The following CDK14 variants were observed in gnomAD, a reference collection of about 807,000 sequenced individuals.
CDK14 encodes cyclin dependent kinase 14.
CDK14 carries 34 observed loss-of-function variants against 60.7 expected under a neutral mutation model. That is an observed-to-expected ratio of 0.56 (90% CI 0.43 to 0.75). CDK14 has a LOEUF of 0.75. Ranked by LOEUF, CDK14 falls within the 30% of genes least tolerant of loss-of-function variation. The pLI, the probability that CDK14 is intolerant of heterozygous loss-of-function variation, is 0.00. For synonymous variants in CDK14, 197 were observed against 203.7 expected, an observed-to-expected ratio of 0.97 and a Z score of 0.28; for missense variants, 482 against 564.1, an observed-to-expected ratio of 0.85 and a Z score of 1.47.
At chr7:91,055,249 A>T (rs1797515005) in intron 11 of CDK14, among the ~76,000 whole-genome samples, 1 of 152,210 alleles carries the variant, frequency 6.6e-6, no homozygotes, top group African/African-American at 2.4e-5. Context: ...AAAAAGAAAC[A>T]ACCAAAAACC....
chr7:91,070,384 T>C (rs1323859745), intron 11 of CDK14, among the ~76,000 whole-genome samples: 2 of 152,228 alleles, frequency 1.3e-5, no homozygotes, highest in African/African-American at 4.8e-5. Flanking sequence ...TGTTCTGTTT[T>C]GTTCATGCCT....
At chr7:90,965,958 C>T (rs986304399) in intron 9 of CDK14, among the ~76,000 whole-genome samples, 2 of 152,126 alleles carry the variant, frequency 1.3e-5, no homozygotes, top group African/African-American at 4.8e-5. Flanking sequence ...TCCCTCTATC[C>T]CTGGTATTCC....
intron 11 of CDK14, among the ~76,000 whole-genome samples, chr7:91,076,242 CAAAAAAAAAAAAAAA>C (rs564729987): frequency 1.4e-3 from 40 of 28,806 alleles, no homozygotes; most frequent in South Asian, 3.3e-3. Context: ...CTACAGTAAC[CAAAAAAAAAAAAAAA>C]AAAAAAAAAA....
intron 14 of CDK14, among the ~76,000 whole-genome samples, chr7:91,173,897 C>T (rs1801623228): frequency 6.6e-6 from 1 of 152,250 alleles, no homozygotes; most frequent in East Asian, 1.9e-4. Flanking sequence ...CCCGCCATTG[C>T]ACAGGCTTGA....
At chr7:90,971,653 T>TAAAA (rs35135401) in intron 9 of CDK14, among the ~76,000 whole-genome samples, 41 of 119,534 alleles carry the variant, frequency 3.4e-4, no homozygotes, top group African/African-American at 1.2e-3. Context: ...ATATACATAG[T>TAAAA]AAAAAAAAAA....
intron 2 of CDK14, among the ~76,000 whole-genome samples, chr7:90,629,603 G>A (rs17865960): frequency 0.014 from 2,092 of 152,286 alleles, 19 homozygotes; most frequent in Middle Eastern, 0.027. Flanking sequence ...GGGTTAAAGG[G>A]TGCCAGACAT....
intron 14 of CDK14, among the ~76,000 whole-genome samples, chr7:91,171,473 T>G (rs1436600192): frequency 6.6e-6 from 1 of 152,174 alleles, no homozygotes; most frequent in East Asian, 1.9e-4. Context: ...TAGAATAATG[T>G]TTTTTAATAT....
At chr7:90,618,962 A>G (rs1247746461) in intron 2 of CDK14, among the ~76,000 whole-genome samples, 2 of 152,324 alleles carry the variant, frequency 1.3e-5, no homozygotes, top group Middle Eastern at 3.4e-3. Context: ...AGAGAGCAGA[A>G]TCAGTTTTCC....
chr7:91,188,480 C>T (rs1246913706), intron 14 of CDK14, among the ~76,000 whole-genome samples: 4 of 152,058 alleles, frequency 2.6e-5, no homozygotes, highest in African/African-American at 9.7e-5. Flanking sequence ...AACTTTTTCC[C>T]CTGGATTCTG....
At chr7:90,683,370 C>G (rs942111661) in intron 2 of CDK14, among the ~76,000 whole-genome samples, 1 of 152,180 alleles carries the variant, frequency 6.6e-6, no homozygotes, top group African/African-American at 2.4e-5. Context: ...GCTCCTATGT[C>G]TTAGTGATAT....
At chr7:90,718,732 TACAC>T (rs1015183432) in intron 2 of CDK14, among the ~76,000 whole-genome samples, 4 of 152,114 alleles carry the variant, frequency 2.6e-5, no homozygotes, top group Non-Finnish European at 4.4e-5. Flanking sequence ...CACACATACA[TACAC>T]ACGCATACTA....
intron 1 of CDK14, among the ~76,000 whole-genome samples, chr7:90,599,321 G>C (rs1354642896): frequency 6.6e-6 from 1 of 152,192 alleles, no homozygotes; most frequent in Non-Finnish European, 1.5e-5. Context: ...TGATCTTATA[G>C]ATAGAAAGCA....
intron 10 of CDK14, among the ~76,000 whole-genome samples, chr7:91,007,200 C>T (rs1236003227): frequency 2.6e-5 from 4 of 152,222 alleles, no homozygotes; most frequent in Non-Finnish European, 4.4e-5. Context: ...GTTACTGACT[C>T]TCCACTAGAA....
At chr7:91,169,860 A>G (rs1175053048) in intron 14 of CDK14, among the ~76,000 whole-genome samples, 1 of 152,246 alleles carries the variant, frequency 6.6e-6, no homozygotes, top group African/African-American at 2.4e-5. Context: ...GTTGGTTAAA[A>G]AAACAAAAAT....
At chr7:91,138,647 T>C (rs1420011978) in intron 14 of CDK14, among the ~76,000 whole-genome samples, 1 of 152,176 alleles carries the variant, frequency 6.6e-6, no homozygotes, top group African/African-American at 2.4e-5. Context: ...GGTAGAATTT[T>C]TTTATGTTGG....
intron 13 of CDK14, among the ~76,000 whole-genome samples, chr7:91,114,418 G>C (rs1799551805): frequency 6.6e-6 from 1 of 152,160 alleles, no homozygotes; most frequent in Non-Finnish European, 1.5e-5. Context: ...AAAGTATGCA[G>C]AACACCAGAG....
At chr7:90,843,265 T>C (rs1790359858) in intron 5 of CDK14, among the ~76,000 whole-genome samples, 1 of 152,162 alleles carries the variant, frequency 6.6e-6, no homozygotes, top group Non-Finnish European at 1.5e-5. Context: ...TTAAAAAAAT[T>C]CACAATTATA....
At chr7:91,112,731 A>G in intron 13 of CDK14, 50 bp downstream of exon 13, 6 of 1,597,862 alleles carry the variant, frequency 3.8e-6, no homozygotes, top group Non-Finnish European at 4.3e-6. Flanking sequence ...ACATCATTTT[A>G]TTTTGGCATC....
intron 12 of CDK14, among the ~76,000 whole-genome samples, chr7:91,103,751 T>A (rs1799205878): frequency 6.6e-6 from 1 of 152,132 alleles, no homozygotes; most frequent in Non-Finnish European, 1.5e-5. Flanking sequence ...TGCTCTATAT[T>A]CATGGTCTAA....
Sources: gnomAD v4.1 joint callset for allele counts (sites outside exome capture counted in the v4.1 genomes callset) on GRCh38, gnomAD v4.1.1 for gene constraint, MANE v1.5 for transcripts, NCBI Gene and HGNC (gene_info 2026-07-23, HGNC 2026-07-21) for gene names.